Variants in KCNAB1 observed in about 807,000 individuals in gnomAD.
KCNAB1 encodes potassium voltage-gated channel subfamily A regulatory beta subunit 1, also known as voltage-gated potassium channel subunit beta-1.
KCNAB1 carries 35 observed loss-of-function variants against 64.6 expected under a neutral mutation model. That is an observed-to-expected ratio of 0.54 (90% CI 0.41 to 0.72). The LOEUF is 0.72. KCNAB1 is among the 30% of genes least tolerant of loss of function. The pLI, the probability that KCNAB1 is intolerant of heterozygous loss-of-function variation, is 0.00. For missense variants in KCNAB1, 401 were observed against 512.9 expected (o/e 0.78, Z 2.11); for synonymous variants, 177 against 183.8 (o/e 0.96, Z 0.30).
chr3:156,132,995 C>T (rs1025091822), intron 1 of KCNAB1, among the ~76,000 whole-genome samples: 1 of 152,108 alleles, frequency 6.6e-6, no homozygotes, highest in East Asian at 1.9e-4. Flanking sequence ...GGTTTGTATA[C>T]AAGAGACTTT....
At chr3:156,248,568 T>C (rs964002018) in intron 1 of KCNAB1, among the ~76,000 whole-genome samples, 3 of 150,368 alleles carry the variant, frequency 2.0e-5, no homozygotes, top group Non-Finnish European at 2.9e-5. Flanking sequence ...TACTATAGAA[T>C]GAATGCCATT....
chr3:156,463,873 T>G (rs987441242), intron 6 of KCNAB1, 127 bp downstream of exon 6: 6 of 650,394 alleles, frequency 9.2e-6, no homozygotes, highest in Non-Finnish European at 1.5e-5. Flanking sequence ...GTTTTTTTTT[T>G]GTTTTTTTCT....
chr3:156,329,472 AC>A (rs994524335), intron 1 of KCNAB1, among the ~76,000 whole-genome samples: 43 of 151,956 alleles, frequency 2.8e-4, no homozygotes, highest in African/African-American at 1.0e-3. Flanking sequence ...CCGGGAGAGA[AC>A]CCCCCAACAG....
At chr3:156,366,047 G>C (rs1409505917) in intron 1 of KCNAB1, among the ~76,000 whole-genome samples, 1 of 149,784 alleles carries the variant, frequency 6.7e-6, no homozygotes, top group Admixed American at 6.6e-5. Context: ...ATTAATGAAA[G>C]AAAGTAGAAG....
intron 11 of KCNAB1, among the ~76,000 whole-genome samples, chr3:156,517,587 A>T (rs995585411): frequency 2.6e-4 from 40 of 152,328 alleles, no homozygotes; most frequent in African/African-American, 9.4e-4. Flanking sequence ...AGAAGGAAGG[A>T]AAGGAAGAAG....
chr3:156,207,723 G>T (rs2108388986), intron 1 of KCNAB1, among the ~76,000 whole-genome samples: 1 of 152,268 alleles, frequency 6.6e-6, no homozygotes, highest in South Asian at 2.1e-4. Flanking sequence ...GAAATGCTTA[G>T]AGGGCTTCCT....
intron 1 of KCNAB1, among the ~76,000 whole-genome samples, chr3:156,248,973 T>A (rs1024043650): frequency 6.6e-6 from 1 of 152,078 alleles, no homozygotes; most frequent in African/African-American, 2.4e-5. Flanking sequence ...AAATGCAGAT[T>A]ACTGGGCACT....
At chr3:156,453,765 TG>T in intron 3 of KCNAB1, among the ~76,000 whole-genome samples, 1 of 152,304 alleles carries the variant, frequency 6.6e-6, no homozygotes, top group African/African-American at 2.4e-5. Context: ...TCAGGGATAG[TG>T]TCTCTGAGTG....
intron 1 of KCNAB1, among the ~76,000 whole-genome samples, chr3:156,166,158 G>C (rs1332481814): frequency 6.6e-6 from 1 of 152,228 alleles, no homozygotes; most frequent in Non-Finnish European, 1.5e-5. Flanking sequence ...GAAGTAAGGA[G>C]AAAGACTAAT....
chr3:156,324,613 T>C (rs1462186303), intron 1 of KCNAB1, among the ~76,000 whole-genome samples: 1 of 152,164 alleles, frequency 6.6e-6, no homozygotes, highest in East Asian at 1.9e-4. Flanking sequence ...TCGGAACTGA[T>C]ACCAAGTGGG....
chr3:156,289,232 C>T (rs1720257226), intron 1 of KCNAB1, among the ~76,000 whole-genome samples: 2 of 152,346 alleles, frequency 1.3e-5, no homozygotes, highest in Middle Eastern at 3.4e-3. Context: ...TGACAGCACT[C>T]CACCTCATCT....
chr3:156,441,486 C>A (rs935132612), intron 2 of KCNAB1: 1 of 152,030 alleles, frequency 6.6e-6, no homozygotes, highest in African/African-American at 2.4e-5. Context: ...TGAACACATA[C>A]TATATTCCAG....
intron 1 of KCNAB1, among the ~76,000 whole-genome samples, chr3:156,202,615 C>T (rs1452043572): frequency 1.3e-5 from 2 of 152,154 alleles, no homozygotes; most frequent in Non-Finnish European, 2.9e-5. Context: ...CCTATCTGTT[C>T]TTGCATGTTG....
At chr3:156,120,994 T>C (rs2108249887) in intron 1 of KCNAB1, 108 bp downstream of exon 1, 6 of 1,340,514 alleles carry the variant, frequency 4.5e-6, no homozygotes, top group East Asian at 2.4e-5. Flanking sequence ...ACGGCTCTAA[T>C]TGCCTTAGAG....
At chr3:156,477,725 C>T (rs1345919521) in intron 8 of KCNAB1, among the ~76,000 whole-genome samples, 2 of 152,088 alleles carry the variant, frequency 1.3e-5, no homozygotes, top group South Asian at 2.1e-4. Context: ...CACATCTATA[C>T]ATATAGTCTT....
chr3:156,118,625 A>C (rs6786904), upstream of KCNAB1, among the ~76,000 whole-genome samples: 9,921 of 152,290 alleles, frequency 0.065, 1,105 homozygotes, highest in African/African-American at 0.23. Context: ...CTAGGATCAC[A>C]GCACTGGTAC....
At chr3:156,291,197 C>G (rs1720386415) in intron 1 of KCNAB1, 1 of 985,742 alleles carries the variant, frequency 1.0e-6, no homozygotes, top group South Asian at 4.7e-5. Flanking sequence ...GACCTGCCTG[C>G]TCCTCCGTGC....
intron 1 of KCNAB1, among the ~76,000 whole-genome samples, chr3:156,387,312 T>G (rs1712694968): frequency 6.6e-6 from 1 of 151,964 alleles, no homozygotes; most frequent in African/African-American, 2.4e-5. Context: ...AGGGAATGAG[T>G]ACAGAGCTGG....
intron 1 of KCNAB1, among the ~76,000 whole-genome samples, chr3:156,290,710 G>A (rs559199951): frequency 6.6e-6 from 1 of 152,280 alleles, no homozygotes; most frequent in African/African-American, 2.4e-5. Context: ...ACCTTACTGG[G>A]TGGTACTATG....
Sources: allele counts gnomAD v4.1 joint callset (sites outside exome capture counted in the v4.1 genomes callset), GRCh38; gene constraint gnomAD v4.1.1; transcripts MANE v1.5; gene names NCBI Gene and HGNC (gene_info 2026-07-23, HGNC 2026-07-21).